FBXO11: variants seen among roughly 807,000 people sequenced by gnomAD.
FBXO11 encodes F-box protein 11.
In FBXO11, 13 loss-of-function variants were observed where a neutral mutation model predicts 117.0. That is an observed-to-expected ratio of 0.11 (90% CI 0.07 to 0.18). FBXO11 has a LOEUF of 0.18. FBXO11 is among the 10% of genes least tolerant of loss of function. FBXO11 has a pLI of 1.00. For missense variants in FBXO11, 767 were observed against 1,164.4 expected, an observed-to-expected ratio of 0.66 and a Z score of 4.97; for synonymous variants, 490 against 380.5, an observed-to-expected ratio of 1.29 and a Z score of -3.35.
Position 47,832,346 on chromosome 2 carries a change from T to C in FBXO11, c.1398+3A>G, listed in dbSNP as rs1384479934. ...TTTTTCTATTAAAAATAAGTGTTCT[T>C]ACCATGCCATGATCAAATGTGAACA... On this transcript the variant is annotated splice_donor_region_variant and intron_variant, in intron 11 of 22. Transcript: ENST00000403359. The C allele has an allele frequency of 6.3e-7, 1 of 1,595,624 alleles. No homozygotes were observed. Among genetic ancestry groups the C allele is most frequent in the East Asian group, 2.2e-5 (1 of 44,694 alleles).
At chr2:47,836,472 G>A (rs911223429) in intron 4 of FBXO11, among the ~76,000 whole-genome samples, 2 of 151,768 alleles carry the variant, frequency 1.3e-5, no homozygotes, top group Non-Finnish European at 2.9e-5. Context: ...GGGCTCAAAT[G>A]ATCCTCCCAC....
chr2:47,900,288 A>G (rs1409532502), intron 1 of FBXO11, among the ~76,000 whole-genome samples: 1 of 152,082 alleles, frequency 6.6e-6, no homozygotes. Flanking sequence ...CTCATGGGAT[A>G]CATTTGGAAG....
intron 1 of FBXO11, among the ~76,000 whole-genome samples, chr2:47,855,264 G>T (rs1258746503): frequency 1.3e-5 from 2 of 151,286 alleles, no homozygotes; most frequent in African/African-American, 4.9e-5. Flanking sequence ...GCAGTGGCAT[G>T]ATCACAGCTC....
intron 1 of FBXO11, chr2:47,888,558 G>GA: frequency 2.8e-6 from 1 of 362,016 alleles, no homozygotes; most frequent in Non-Finnish European, 3.8e-6. Context: ...TATATAATAG[G>GA]AAAAAAATAG....
In FBXO11 at chr2:47,820,393, A is replaced by G. The variant is rs1558411277; in HGVS notation, c.1766T>C (p.Ile589Thr). Residue 589 changes from isoleucine to threonine, a missense_variant, in exon 14 of 23, where the codon ATT (isoleucine) becomes ACT (threonine). Ile to Thr is a moderately conservative substitution (Grantham distance 89). Around this residue, in one of 10 missense-constraint regions of FBXO11, gnomAD observed 67 missense variants for 148.8 expected, o/e 0.45. Coordinates refer to ENST00000403359, the MANE Select transcript of FBXO11 (RefSeq NM_001190274.2). ...NSCPIVRHNK[I>T]HDGQHGGIYV... ...AATCCCACCATGCTGGCCATCATGA[A>G]TTTTGTTATGCCGAACAATTGGACA... 6.2e-7 allele frequency: 1 copy of G among 1,613,908 alleles called. No homozygotes were observed.
intron 1 of FBXO11, among the ~76,000 whole-genome samples, chr2:47,866,641 T>C (rs1202389659): frequency 6.6e-6 from 1 of 152,004 alleles, no homozygotes; most frequent in African/African-American, 2.4e-5. Context: ...GACCAGCTAA[T>C]GTTTATATTT....
chr2:47,905,751 G>A lies in FBXO11; in HGVS notation c.-31C>T, dbSNP rs540319452. On this transcript the variant is annotated 5_prime_UTR_variant, in exon 1 of 23. Transcript: ENST00000403359. ...GGGCTGAGGTGGCGGCGTTGGCGGA[G>A]GGACACACACACGCACACGCACAGC... is the stretch of plus-strand genomic sequence containing the variant. 114 of 1,507,952 alleles carry A rather than the reference G, an allele frequency of 7.6e-5. No individual in the cohort carries two copies. In the African/African-American group the frequency reaches 1.2e-3, roughly 16 times the overall value. The allele number at this position is 1,507,952 out of a possible 1,614,324, so 93.4% of individuals were successfully genotyped here.
At position 47,811,948 on chromosome 2, in the gene FBXO11, GC is replaced by G. The variant is rs528200425; in HGVS notation, c.2227+1285del. 3.0e-5 allele frequency among the ~76,000 whole-genome samples: 4 copies of G among 132,236 alleles called. No homozygotes were observed. The South Asian group carries it at 9.5e-4, about 31-fold the overall frequency. The allele number at this position is 132,236 out of a possible 152,430, so 86.8% of individuals were successfully genotyped here. ...GTATCATTAACATGTCCCACCCCCT[GC>G]CCCCCCAACCTTTTCACACCCTTAT... On this transcript the variant is annotated intron_variant, in intron 18 of 22. Coordinates refer to ENST00000403359, the MANE Select transcript of FBXO11 (RefSeq NM_001190274.2).
At chr2:47,834,279 G>C (rs963849010) in intron 7 of FBXO11, among the ~76,000 whole-genome samples, 7 of 152,074 alleles carry the variant, frequency 4.6e-5, no homozygotes, top group African/African-American at 9.7e-5. Flanking sequence ...GAACCCAGGA[G>C]GCAGAGGTTA....
At chr2:47,898,016 A>G (rs1677808433) in intron 1 of FBXO11, among the ~76,000 whole-genome samples, 1 of 152,214 alleles carries the variant, frequency 6.6e-6, no homozygotes. Flanking sequence ...ACATGGAAGA[A>G]AACAATTTTC....
intron 1 of FBXO11, chr2:47,865,808 G>C (rs1675152240): frequency 6.6e-6 from 1 of 152,162 alleles, no homozygotes; most frequent in Non-Finnish European, 1.5e-5. Context: ...ATTGTGGGCA[G>C]ACACTCAGCC....
chr2:47,865,074 G>A (rs1005075386), intron 1 of FBXO11, among the ~76,000 whole-genome samples: 4 of 152,178 alleles, frequency 2.6e-5, no homozygotes, highest in African/African-American at 7.2e-5. Flanking sequence ...TAACAGAGTT[G>A]TGTTAATTGT....
intron 1 of FBXO11, among the ~76,000 whole-genome samples, chr2:47,857,852 C>T (rs1674432207): frequency 6.6e-6 from 1 of 152,046 alleles, no homozygotes; most frequent in Admixed American, 6.6e-5. Context: ...TACAAGACAG[C>T]CTTTGCAGCT....
chr2:47,811,669 T>G lies in FBXO11; in HGVS notation c.2228-1243A>C, dbSNP rs569203653. ...TTCCAGAAACCATTTCCTATATAAC[T>G]TACCTCAGTGAAAGGTAGTCACCCA... On this transcript the variant is annotated intron_variant, in intron 18 of 22. Coordinates refer to ENST00000403359, the MANE Select transcript of FBXO11 (RefSeq NM_001190274.2). The G allele has an allele frequency of 2.0e-4, 31 of 152,334 alleles. 1 individual carries two copies. The highest frequency in any genetic ancestry group is 1.8e-3 in the Admixed American group (28 of 15,298). The allele number at this position is 152,334 out of a possible 1,614,324, so 9.4% of individuals were successfully genotyped here.
At chr2:47,836,304 A>T (rs1672557909) in intron 4 of FBXO11, among the ~76,000 whole-genome samples, 1 of 152,310 alleles carries the variant, frequency 6.6e-6, no homozygotes, top group Middle Eastern at 3.4e-3. Context: ...AACAGGATTT[A>T]AAACGTGAAA....
At chr2:47,902,777 T>C (rs1252082983) in intron 1 of FBXO11, among the ~76,000 whole-genome samples, 1 of 152,186 alleles carries the variant, frequency 6.6e-6, no homozygotes, top group Non-Finnish European at 1.5e-5. Context: ...AATGATTTTA[T>C]ATACAGTCTG....
rs1318135865 is a variant in FBXO11 at position 47,905,290 on chromosome 2, G to A, written c.232+199C>T. On this transcript the variant is annotated intron_variant, in intron 1 of 22. Transcript: ENST00000403359. Reference sequence around the variant, plus strand: ...GCCTGAGCGAGAGCCCAGGCGAGAAGGGAAGCCGCGGCTTTTCCTGCCGGC... The same window carrying A: ...GCCTGAGCGAGAGCCCAGGCGAGAAAGGAAGCCGCGGCTTTTCCTGCCGGC... The A allele has an allele frequency of 6.3e-5, 24 of 379,458 alleles. No individual in the cohort carries two copies. The East Asian group carries it at 1.4e-3, about 23-fold the overall frequency. 23.5% of individuals were successfully genotyped at this position (379,458 alleles called of 1,614,324 possible).
In FBXO11 at chr2:47,839,463, C is replaced by G. The variant is rs139756043; in HGVS notation, c.398G>C (p.Arg133Pro). 1.1e-5 allele frequency: 17 copies of G among 1,613,956 alleles called. No homozygotes were observed. The highest frequency in any genetic ancestry group is 1.4e-5 in the Non-Finnish European group (16 of 1,179,984). ...TCCAGACACTCTTGCACGTTTTGCA[C>G]GATGACCAAAGTTTTCTGTAGTTGA... ...STSTTENFGH[R>P]AKRARVSGKS... Residue 133 changes from arginine (R) to proline (P), a missense_variant, in exon 3 of 23, where the codon CGT becomes CCT. By Grantham distance (103) the Arg-to-Pro change is moderately radical. This residue lies in a region of FBXO11 where 355 missense variants were observed against 299.8 expected (regional missense o/e 1.18). Transcript: ENST00000403359.
intron 1 of FBXO11, among the ~76,000 whole-genome samples, chr2:47,857,833 C>T (rs905233018): frequency 5.9e-5 from 9 of 152,110 alleles, no homozygotes; most frequent in African/African-American, 1.9e-4. Context: ...TGTTTCTTAC[C>T]ATCAAAATTA....
Sources: gnomAD v4.1 joint callset for allele counts (sites outside exome capture counted in the v4.1 genomes callset) on GRCh38, gnomAD v4.1.1 for gene constraint, gnomAD v4.1.1 regional missense constraint, MANE v1.5 for transcripts, NCBI Gene and HGNC (gene_info 2026-07-23, HGNC 2026-07-21) for gene names.